AUTS2: variants seen among roughly 807,000 people sequenced by gnomAD.
AUTS2 encodes the protein activator of transcription and developmental regulator AUTS2.
In AUTS2, 17 loss-of-function variants were observed where a neutral mutation model predicts 112.4. The observed-to-expected ratio is 0.15, with a 90% CI of 0.10 to 0.23. The LOEUF (loss-of-function observed/expected upper bound fraction) is 0.23, where lower values mean the gene tolerates loss of function less well. Among genes scored for constraint, AUTS2 ranks in the 10% least tolerant of loss-of-function variants. AUTS2 has a pLI of 1.00. For synonymous variants in AUTS2, 751 were observed against 702.7 expected (o/e 1.07, Z -1.09); for missense variants, 1,510 against 1,701.6 (o/e 0.89, Z 1.98).
chr7:70,312,248 G>T (rs1412567537), intron 4 of AUTS2, among the ~76,000 whole-genome samples: 1 of 152,050 alleles, frequency 6.6e-6, no homozygotes, highest in Non-Finnish European at 1.5e-5. Context: ...ATCTTACCAT[G>T]GGGTATCTGA....
At chr7:69,823,757 T>C (rs549578203) in intron 1 of AUTS2, among the ~76,000 whole-genome samples, 6 of 151,768 alleles carry the variant, frequency 4.0e-5, no homozygotes, top group Non-Finnish European at 8.8e-5. Context: ...GAAAAAATCA[T>C]GATTGCTAGG....
intron 2 of AUTS2, among the ~76,000 whole-genome samples, chr7:70,106,439 G>T (rs1804771308): frequency 6.6e-6 from 1 of 152,166 alleles, no homozygotes; most frequent in East Asian, 1.9e-4. Context: ...GAAGAATCAG[G>T]CCAGGTGTGG....
At chr7:70,675,087 A>C (rs1331888916) in intron 5 of AUTS2, among the ~76,000 whole-genome samples, 2 of 136,456 alleles carry the variant, frequency 1.5e-5, no homozygotes, top group African/African-American at 5.6e-5. Flanking sequence ...AAGTATTTCA[A>C]ATTAATCCTC....
chr7:70,556,573 C>T (rs936213280), intron 5 of AUTS2, among the ~76,000 whole-genome samples: 1 of 152,168 alleles, frequency 6.6e-6, no homozygotes, highest in Admixed American at 6.5e-5. Context: ...GCCTGGAATT[C>T]TCCCTTCCTT....
chr7:69,638,935 G>GT (rs1430379568), intron 1 of AUTS2, among the ~76,000 whole-genome samples: 1 of 152,198 alleles, frequency 6.6e-6, no homozygotes, highest in Non-Finnish European at 1.5e-5. Context: ...TGCATACAGT[G>GT]TTTGTTTGGA....
chr7:70,458,547 G>T (rs2131166468), intron 5 of AUTS2, among the ~76,000 whole-genome samples: 1 of 152,306 alleles, frequency 6.6e-6, no homozygotes, highest in Non-Finnish European at 1.5e-5. Context: ...CTGCCAAGTG[G>T]CCGGGCTTTC....
At chr7:69,712,083 C>T (rs1297594875) in intron 1 of AUTS2, among the ~76,000 whole-genome samples, 2 of 152,132 alleles carry the variant, frequency 1.3e-5, no homozygotes, top group Non-Finnish European at 2.9e-5. Context: ...GCTCCCATAT[C>T]GCACTTCATC....
intron 1 of AUTS2, among the ~76,000 whole-genome samples, chr7:69,659,394 T>C (rs1423904445): frequency 1.3e-5 from 2 of 152,046 alleles, no homozygotes; most frequent in African/African-American, 4.8e-5. Context: ...AATTTTTTTT[T>C]CTGTTTTTCT....
chr7:70,671,117 G>C lies in AUTS2; in HGVS notation c.691-27452G>C, dbSNP rs116930433. On this transcript the variant is annotated intron_variant, in intron 5 of 18. Transcript: ENST00000342771. ...AACCTGGTGGGGGGATGGGGACACGGAGGTAGCAGTGAGCCAGGATTGCAC... is the reference window on the plus strand; with the variant it reads ...AACCTGGTGGGGGGATGGGGACACGCAGGTAGCAGTGAGCCAGGATTGCAC... Among the ~76,000 whole-genome samples the C allele has an allele frequency of 2.1e-3, 322 of 152,242 alleles. 5 individuals are homozygous for C. The East Asian group carries it at 0.043, about 20-fold the overall frequency.
At chr7:69,917,195 T>TTTTC (rs1021171800) in intron 2 of AUTS2, among the ~76,000 whole-genome samples, 1 of 152,034 alleles carries the variant, frequency 6.6e-6, no homozygotes, top group African/African-American at 2.4e-5. Flanking sequence ...GTGGGTTTTT[T>TTTTC]TTTCTTTCTT....
chr7:70,607,877 G>A (rs929813069), intron 5 of AUTS2, among the ~76,000 whole-genome samples: 3 of 152,222 alleles, frequency 2.0e-5, no homozygotes, highest in Non-Finnish European at 4.4e-5. Context: ...AAAGTTAAAA[G>A]TTAATCACTT....
At chr7:70,353,552 A>C (rs1791862287) in intron 4 of AUTS2, among the ~76,000 whole-genome samples, 1 of 152,156 alleles carries the variant, frequency 6.6e-6, no homozygotes, top group African/African-American at 2.4e-5. Context: ...GACAGTGTCT[A>C]ACTTGATCCG....
chr7:69,836,257 T>C (rs562401253), intron 1 of AUTS2, among the ~76,000 whole-genome samples: 33 of 152,322 alleles, frequency 2.2e-4, no homozygotes, highest in African/African-American at 7.9e-4. Flanking sequence ...TATCCTTTTA[T>C]GGATGAGTGA....
At chr7:69,961,204 T>C (rs1797416520) in intron 2 of AUTS2, among the ~76,000 whole-genome samples, 1 of 152,152 alleles carries the variant, frequency 6.6e-6, no homozygotes, top group Non-Finnish European at 1.5e-5. Flanking sequence ...GAGTCTTGAA[T>C]GTAACTGGTA....
At chr7:70,096,631 AAG>A (rs890163875) in intron 2 of AUTS2, among the ~76,000 whole-genome samples, 16 of 151,700 alleles carry the variant, frequency 1.1e-4, no homozygotes, top group African/African-American at 3.9e-4. Context: ...AAAAAAGAAA[AAG>A]AAAATACTGT....
intron 1 of AUTS2, among the ~76,000 whole-genome samples, chr7:69,870,972 A>G (rs765838192): frequency 6.6e-6 from 1 of 152,226 alleles, no homozygotes; most frequent in Non-Finnish European, 1.5e-5. Flanking sequence ...CACTGAATTT[A>G]TACAGTTTAT....
At chr7:69,719,746 C>G (rs748473225) in intron 1 of AUTS2, among the ~76,000 whole-genome samples, 1 of 152,152 alleles carries the variant, frequency 6.6e-6, no homozygotes. Context: ...TCATCTATGC[C>G]TGATGCCTGA....
intron 5 of AUTS2, among the ~76,000 whole-genome samples, chr7:70,563,601 A>T (rs911816929): frequency 3.9e-5 from 6 of 152,168 alleles, no homozygotes; most frequent in Admixed American, 2.0e-4. Flanking sequence ...GAATGAGGAG[A>T]AGAGCCTCAC....
chr7:70,604,565 C>G (rs1803633306), intron 5 of AUTS2, among the ~76,000 whole-genome samples: 1 of 152,230 alleles, frequency 6.6e-6, no homozygotes, highest in Admixed American at 6.5e-5. Flanking sequence ...ACACTTGCCC[C>G]TAGGCCCTAC....
Sources: gnomAD v4.1 joint callset for allele counts (sites outside exome capture counted in the v4.1 genomes callset) on GRCh38, gnomAD v4.1.1 for gene constraint, MANE v1.5 for transcripts, NCBI Gene and HGNC (gene_info 2026-07-23, HGNC 2026-07-21) for gene names.